ABTB3: variants seen among roughly 807,000 people sequenced by gnomAD.
ABTB3 encodes the protein ankyrin repeat and BTB domain containing 3.
At chr12:107,451,702 A>C in the ABTB3 span, among the ~76,000 whole-genome samples, 8 of 148,456 alleles carry the variant, frequency 5.4e-5, no homozygotes, top group Non-Finnish European at 1.2e-4. Context: ...CTGAACAGGC[A>C]GCTGAACTCA....
chr12:107,327,556 A>G, the ABTB3 span, among the ~76,000 whole-genome samples: 1 of 152,164 alleles, frequency 6.6e-6, no homozygotes, highest in African/African-American at 2.4e-5. Context: ...CTTTATTACC[A>G]TTATTTTTTC....
At chr12:107,515,661 A>T in the ABTB3 span, among the ~76,000 whole-genome samples, 3 of 152,122 alleles carry the variant, frequency 2.0e-5, no homozygotes, top group African/African-American at 7.2e-5. Flanking sequence ...AGTAAGGATG[A>T]CTCAGTGTGT....
chr12:107,489,432 A>C, the ABTB3 span, among the ~76,000 whole-genome samples: 1 of 152,174 alleles, frequency 6.6e-6, no homozygotes, highest in Non-Finnish European at 1.5e-5. Flanking sequence ...AGGCAGGAGA[A>C]TCACTCGAAC....
chr12:107,387,976 T>C, the ABTB3 span, among the ~76,000 whole-genome samples: 5 of 144,990 alleles, frequency 3.4e-5, no homozygotes, highest in African/African-American at 1.0e-4. Flanking sequence ...CTTCTTCTTT[T>C]TTTTTTTTTT....
At chr12:107,631,321 T>C in the ABTB3 span, among the ~76,000 whole-genome samples, 1 of 152,242 alleles carries the variant, frequency 6.6e-6, no homozygotes, top group Admixed American at 6.5e-5. Context: ...GTGGTGTATA[T>C]TTACCATGTT....
the ABTB3 span, among the ~76,000 whole-genome samples, chr12:107,602,000 G>A: frequency 6.6e-6 from 1 of 152,188 alleles, no homozygotes; most frequent in African/African-American, 2.4e-5. Context: ...TCAGGGGTGG[G>A]CTTAACAGAG....
chr12:107,499,982 G>C, the ABTB3 span, among the ~76,000 whole-genome samples: 1 of 152,064 alleles, frequency 6.6e-6, no homozygotes, highest in Non-Finnish European at 1.5e-5. Context: ...CACTGGGCCT[G>C]GCTGCCAAAC....
chr12:107,357,604 C>T, the ABTB3 span, among the ~76,000 whole-genome samples: 1 of 152,112 alleles, frequency 6.6e-6, no homozygotes, highest in African/African-American at 2.4e-5. Flanking sequence ...GAGTAAGATT[C>T]TATCTCTAAA....
At chr12:107,492,221 C>T in the ABTB3 span, among the ~76,000 whole-genome samples, 13 of 152,266 alleles carry the variant, frequency 8.5e-5, no homozygotes, top group South Asian at 2.1e-4. Context: ...AAGGAATTCC[C>T]GCCCACCCGG....
the ABTB3 span, among the ~76,000 whole-genome samples, chr12:107,343,158 G>A: frequency 6.6e-6 from 1 of 152,068 alleles, no homozygotes; most frequent in African/African-American, 2.4e-5. Flanking sequence ...GGGACCACAA[G>A]TGCACACCAC....
the ABTB3 span, among the ~76,000 whole-genome samples, chr12:107,399,388 A>C: frequency 6.6e-6 from 1 of 152,074 alleles, no homozygotes; most frequent in African/African-American, 2.4e-5. Flanking sequence ...ACAGCACCCC[A>C]CCCCCCAAAC....
the ABTB3 span, among the ~76,000 whole-genome samples, chr12:107,416,228 A>C: frequency 8.5e-5 from 13 of 152,320 alleles, no homozygotes; most frequent in African/African-American, 3.1e-4. Context: ...ATTTCCTTCC[A>C]TTCCTTGTGC....
chr12:107,508,890 C>T, the ABTB3 span, among the ~76,000 whole-genome samples: 1 of 152,182 alleles, frequency 6.6e-6, no homozygotes, highest in African/African-American at 2.4e-5. Flanking sequence ...AGAGAACTTT[C>T]AAAGGCCACA....
At chr12:107,491,866 C>A in the ABTB3 span, among the ~76,000 whole-genome samples, 79 of 151,320 alleles carry the variant, frequency 5.2e-4, 1 homozygote, top group Middle Eastern at 3.5e-3. Context: ...AGGCGTCAGC[C>A]TGTTGGGATC....
chr12:107,577,227 G>T, the ABTB3 span, among the ~76,000 whole-genome samples: 1 of 152,134 alleles, frequency 6.6e-6, no homozygotes, highest in Non-Finnish European at 1.5e-5. Context: ...GCCTTTTACA[G>T]AAAAGGTTTG....
the ABTB3 span, among the ~76,000 whole-genome samples, chr12:107,449,326 C>T: frequency 6.6e-6 from 1 of 152,162 alleles, no homozygotes; most frequent in Non-Finnish European, 1.5e-5. Flanking sequence ...AGCAGACCTC[C>T]CAGCATCTAA....
At chr12:107,582,457 C>T in the ABTB3 span, among the ~76,000 whole-genome samples, 1 of 152,136 alleles carries the variant, frequency 6.6e-6, no homozygotes, top group Non-Finnish European at 1.5e-5. Flanking sequence ...AACCACTGAG[C>T]GCTTTCCTGT....
chr12:107,436,656 T>G, the ABTB3 span, among the ~76,000 whole-genome samples: 29 of 152,244 alleles, frequency 1.9e-4, no homozygotes, highest in Non-Finnish European at 3.7e-4. Flanking sequence ...CTTAAAGGAA[T>G]GTGGCCCTTG....
chr12:107,371,979 C>G, the ABTB3 span, among the ~76,000 whole-genome samples: 1 of 152,224 alleles, frequency 6.6e-6, no homozygotes, highest in Non-Finnish European at 1.5e-5. Flanking sequence ...AGGTACTCAT[C>G]TGGTCTTCTT....
Sources: allele counts gnomAD v4.1 joint callset (sites outside exome capture counted in the v4.1 genomes callset), GRCh38; gene constraint gnomAD v4.1.1; transcripts MANE v1.5; gene names NCBI Gene and HGNC (gene_info 2026-07-23, HGNC 2026-07-21).